PCNX1: variants seen among roughly 807,000 people sequenced by gnomAD.
The protein encoded by PCNX1 is pecanex 1.
Under a neutral mutation model 242.2 loss-of-function variants are expected in PCNX1, and 78 were observed. The observed-to-expected ratio is 0.32, with a 90% CI of 0.27 to 0.39. The LOEUF is 0.39. Among genes scored for constraint, PCNX1 ranks in the 10% least tolerant of loss-of-function variants. The pLI, the probability that PCNX1 is intolerant of heterozygous loss-of-function variation, is 1.00. For missense variants in PCNX1, 2,581 were observed against 2,856.5 expected (o/e 0.90, Z 2.20); for synonymous variants, 1,024 against 1,032.9 (o/e 0.99, Z 0.17).
intron 28 of PCNX1, among the ~76,000 whole-genome samples, chr14:71,079,039 C>T (rs762424334): frequency 6.6e-6 from 1 of 152,084 alleles, no homozygotes; most frequent in Non-Finnish European, 1.5e-5. Context: ...GTGATGTTCC[C>T]CTCCCTGTGT....
intron 30 of PCNX1, among the ~76,000 whole-genome samples, chr14:71,094,896 A>C (rs2062232520): frequency 6.6e-6 from 1 of 151,398 alleles, no homozygotes; most frequent in Non-Finnish European, 1.5e-5. Context: ...GCATCACTGC[A>C]CTCCAGCCTG....
chr14:71,105,435 C>T lies in PCNX1; in HGVS notation c.6296C>T (p.Thr2099Ile), dbSNP rs779924442. Reference sequence around the variant, plus strand: ...CCACCTGTCACATCTTATCCTCCAACACTAGGTAATGTGAAACAAAGTTAT... The same window carrying T: ...CCACCTGTCACATCTTATCCTCCAATACTAGGTAATGTGAAACAAAGTTAT... ...LHPPVTSYPP[T>I]LGTSHSSHSV... is the part of the protein sequence containing the mutation. Residue 2099 changes from threonine (T) to isoleucine (I), a missense_variant, in exon 33 of 36, where the codon ACA becomes ATA. Physicochemically the swap from Thr to Ile is moderately conservative, Grantham distance 89. Transcript: ENST00000304743. 1.1e-5 allele frequency: 18 copies of T among 1,612,128 alleles called. No individual in the cohort carries two copies. Among genetic ancestry groups the T allele is most frequent in the Non-Finnish European group, 1.4e-5 (17 of 1,178,320 alleles).
chr14:70,975,113 A>G lies in PCNX1; in HGVS notation c.605-1829A>G, dbSNP rs74060517. The stretch of plus-strand genomic sequence containing the variant: ...AAAAACCTTTTGTTATCTTAGATTT[A>G]GTGATTTTCAACTACTTGCTCAGAG... On this transcript the variant is annotated intron_variant, in intron 5 of 35. Coordinates refer to ENST00000304743, the MANE Select transcript of PCNX1 (RefSeq NM_014982.3). Among the ~76,000 whole-genome samples, 1,318 of 152,290 alleles carry G rather than the reference A, an allele frequency of 8.7e-3. 26 individuals are homozygous for G. The highest frequency in any genetic ancestry group is 0.03 in the African/African-American group (1,243 of 41,574).
At chr14:70,966,279 G>A (rs2058376113) in intron 3 of PCNX1, among the ~76,000 whole-genome samples, 1 of 152,144 alleles carries the variant, frequency 6.6e-6, no homozygotes, top group South Asian at 2.1e-4. Context: ...TCAACTAATA[G>A]TGACTTAAAG....
chr14:70,952,312 A>C (rs1332179522), intron 2 of PCNX1, among the ~76,000 whole-genome samples: 1 of 152,198 alleles, frequency 6.6e-6, no homozygotes, highest in Non-Finnish European at 1.5e-5. Context: ...CTAAGTTAGC[A>C]ATAATCAAGT....
Position 71,111,994 on chromosome 14 carries a change from A to G in PCNX1, c.*2059A>G, listed in dbSNP as rs573357761. On this transcript the variant is annotated 3_prime_UTR_variant, in exon 36 of 36. Coordinates refer to ENST00000304743, the MANE Select transcript of PCNX1 (RefSeq NM_014982.3). Reference sequence around the variant, plus strand: ...TGGTTTTGGAGGGTTTTTTTCTGAAACTGAATTTATAATCTATTTCTCTGT... The same window carrying G: ...TGGTTTTGGAGGGTTTTTTTCTGAAGCTGAATTTATAATCTATTTCTCTGT... 3 of 152,640 alleles carry G rather than the reference A, an allele frequency of 2.0e-5. No homozygotes were observed. The South Asian group carries it at 6.2e-4, about 32-fold the overall frequency. 9.5% of individuals were successfully genotyped at this position (152,640 alleles called of 1,614,324 possible). A position where few individuals can be genotyped will look rare whatever the true frequency, so the allele number is the denominator to read the frequency against.
chr14:70,932,314 A>G (rs966392004), intron 1 of PCNX1, among the ~76,000 whole-genome samples: 1 of 152,186 alleles, frequency 6.6e-6, no homozygotes, highest in Non-Finnish European at 1.5e-5. Context: ...AAACATTTTG[A>G]GGAAAAACAT....
intron 16 of PCNX1, chr14:71,032,054 G>A: frequency 4.1e-6 from 3 of 732,044 alleles, no homozygotes; most frequent in Admixed American, 4.1e-5. Flanking sequence ...AAGATTAATA[G>A]ACAAAGAAGA....
In PCNX1 at chr14:70,977,857, C is replaced by T; in HGVS notation, c.1520C>T (p.Pro507Leu). Residue 507 changes from proline to leucine, a missense_variant, in exon 6 of 36, where the codon CCT (proline) becomes CTT (leucine). Around this residue, in one of 9 missense-constraint regions of PCNX1, gnomAD observed 1,204 missense variants for 1,216.7 expected, o/e 0.99. Coordinates refer to ENST00000304743, the MANE Select transcript of PCNX1 (RefSeq NM_014982.3). ...TTTACTTCCCAAGGGGACAGACCAC[C>T]TGGGAACACTGCAGAAAACAAAGAA... ...NEFTSQGDRP[P>L]GNTAENKEEK... 3.1e-6 allele frequency: 5 copies of T among 1,614,044 alleles called. No individual in the cohort carries two copies. Among genetic ancestry groups the T allele is most frequent in the Non-Finnish European group, 4.2e-6 (5 of 1,179,948 alleles).
chr14:70,909,550 T>A (rs900838305), intron 1 of PCNX1, among the ~76,000 whole-genome samples: 1 of 152,208 alleles, frequency 6.6e-6, no homozygotes, highest in African/African-American at 2.4e-5. Context: ...CTGAAAATGA[T>A]TTTTGAGAGG....
At chr14:70,909,626 A>G (rs1299037728) in intron 1 of PCNX1, among the ~76,000 whole-genome samples, 2 of 152,202 alleles carry the variant, frequency 1.3e-5, no homozygotes, top group African/African-American at 2.4e-5. Context: ...CTGTGTGGTC[A>G]TGGTTAAGTC....
chr14:71,048,420 T>G (rs887548870), intron 22 of PCNX1, among the ~76,000 whole-genome samples: 1 of 152,182 alleles, frequency 6.6e-6, no homozygotes, highest in African/African-American at 2.4e-5. Flanking sequence ...CTCTGAACTT[T>G]ATAGGCTTCT....
Position 71,068,495 on chromosome 14 carries a change from T to C in PCNX1, c.4853-5050T>C, listed in dbSNP as rs544490526. Among the ~76,000 whole-genome samples, 7 of 149,322 alleles carry C rather than the reference T, an allele frequency of 4.7e-5. No individual in the cohort carries two copies. The South Asian group carries it at 6.3e-4, about 13-fold the overall frequency. ...ATGTGCATATGTATACACACACACA[T>C]ATATATGTATATATATGTATACATA... On this transcript the variant is annotated intron_variant, in intron 26 of 35. Transcript: ENST00000304743.
chr14:71,001,397 G>A (rs2059502715), intron 8 of PCNX1, among the ~76,000 whole-genome samples: 1 of 152,112 alleles, frequency 6.6e-6, no homozygotes, highest in Non-Finnish European at 1.5e-5. Flanking sequence ...GAGTTTGGGA[G>A]GATCGCCACA....
intron 28 of PCNX1, among the ~76,000 whole-genome samples, chr14:71,079,304 A>G (rs1226077175): frequency 6.6e-6 from 1 of 152,228 alleles, no homozygotes; most frequent in East Asian, 1.9e-4. Context: ...TGCAATAAAT[A>G]TACATGTGCA....
chr14:70,938,512 T>C (rs1202406006), intron 1 of PCNX1, among the ~76,000 whole-genome samples: 1 of 152,206 alleles, frequency 6.6e-6, no homozygotes, highest in Non-Finnish European at 1.5e-5. Flanking sequence ...CTTTTTGATG[T>C]GCTGCTGGAT....
intron 1 of PCNX1, 121 bp from the exon 2 acceptor site, chr14:70,946,794 G>A (rs1246095549): frequency 1.4e-5 from 10 of 739,436 alleles, no homozygotes; most frequent in Admixed American, 8.0e-5. Context: ...GCAGCTTAGC[G>A]CTAGTAACAT....
chr14:70,940,487 A>G (rs2057191097), intron 1 of PCNX1, among the ~76,000 whole-genome samples: 1 of 152,216 alleles, frequency 6.6e-6, no homozygotes, highest in Admixed American at 6.5e-5. Flanking sequence ...AGTTTCTGCC[A>G]AGAGATCAGC....
intron 1 of PCNX1, among the ~76,000 whole-genome samples, chr14:70,923,521 ATCC>A (rs2056459675): frequency 2.0e-5 from 3 of 152,150 alleles, no homozygotes; most frequent in Non-Finnish European, 1.5e-5. Context: ...CCTGCACATG[ATCC>A]TCCTGTTGTC....
Sources: allele counts gnomAD v4.1 joint callset (sites outside exome capture counted in the v4.1 genomes callset), GRCh38; gene constraint gnomAD v4.1.1; regional missense constraint gnomAD v4.1.1; transcripts MANE v1.5; gene names NCBI Gene and HGNC (gene_info 2026-07-23, HGNC 2026-07-21).